The following IFT74 variants were observed in gnomAD, a reference collection of about 807,000 sequenced individuals.
IFT74 encodes the protein intraflagellar transport 74, also known as intraflagellar transport protein 74 homolog.
A neutral mutation model predicts 96.7 loss-of-function variants in IFT74; 92 were observed. The observed-to-expected ratio is 0.95, with a 90% CI of 0.80 to 1.13. The LOEUF (loss-of-function observed/expected upper bound fraction) is 1.13, where lower values mean the gene tolerates loss of function less well. Ranked by LOEUF, IFT74 falls within the 50% of genes most tolerant of loss-of-function variation. IFT74 has a pLI of 0.00. For missense variants in IFT74, 811 were observed against 698.2 expected, an observed-to-expected ratio of 1.16 and a Z score of -1.82; for synonymous variants, 223 against 213.2, an observed-to-expected ratio of 1.05 and a Z score of -0.40.
chr9:27,024,446 C>A (rs1277883340), intron 12 of IFT74, among the ~76,000 whole-genome samples: 1 of 152,152 alleles, frequency 6.6e-6, no homozygotes, highest in Non-Finnish European at 1.5e-5. Flanking sequence ...CTCAGGAAGC[C>A]CCATCTCTAG....
At chr9:26,963,012 G>T (rs1159072962) in intron 2 of IFT74, among the ~76,000 whole-genome samples, 3 of 150,586 alleles carry the variant, frequency 2.0e-5, no homozygotes, top group African/African-American at 7.4e-5. Context: ...CATTGTGCAG[G>T]TTAGTTACAT....
intron 8 of IFT74, among the ~76,000 whole-genome samples, chr9:26,996,843 T>C (rs1318533033): frequency 6.6e-6 from 1 of 152,178 alleles, no homozygotes. Context: ...GGAAGCACTT[T>C]TAAAAAATTA....
Position 27,011,861 on chromosome 9 carries a change from CT to C in IFT74, c.727-43del, listed in dbSNP as rs1302071394. 4 of 1,326,358 alleles carry C rather than the reference CT, an allele frequency of 3.0e-6. No homozygotes were observed. The East Asian group carries it at 7.7e-5, about 25-fold the overall frequency. The allele number at this position is 1,326,358 out of a possible 1,614,324, so 82.2% of individuals were successfully genotyped here. Reference sequence around the variant, plus strand: ...CCTCCCCCCACTACAACAAATTATTCTTAATGTAATTTGGATTTATGTTTGC... The same window carrying C: ...CCTCCCCCCACTACAACAAATTATTCTAATGTAATTTGGATTTATGTTTGC... On this transcript the variant is annotated intron_variant, in intron 9 of 19. Coordinates refer to ENST00000380062, the MANE Select transcript of IFT74 (RefSeq NM_025103.4).
At chr9:26,998,939 A>C (rs1450987958) in intron 8 of IFT74, among the ~76,000 whole-genome samples, 1 of 152,180 alleles carries the variant, frequency 6.6e-6, no homozygotes, top group Non-Finnish European at 1.5e-5. Context: ...GGTTGCAGTG[A>C]GCTGAGATCA....
chr9:27,033,851 G>A (rs115433687), intron 13 of IFT74, among the ~76,000 whole-genome samples: 1 of 152,246 alleles, frequency 6.6e-6, no homozygotes, highest in East Asian at 1.9e-4. Context: ...AGAAAAGGTT[G>A]TATTATGTTA....
intron 1 of IFT74, among the ~76,000 whole-genome samples, chr9:26,958,711 G>A (rs1254861293): frequency 6.6e-6 from 1 of 152,172 alleles, no homozygotes; most frequent in East Asian, 1.9e-4. Flanking sequence ...AGACATCTAA[G>A]TGGAGATGTT....
intron 2 of IFT74, among the ~76,000 whole-genome samples, chr9:26,962,812 T>G (rs1313772174): frequency 6.6e-6 from 1 of 151,504 alleles, no homozygotes; most frequent in East Asian, 1.9e-4. Context: ...TATATCTGAA[T>G]TTACAAAAAA....
chr9:27,026,277 ATATCACAG>A (rs1404425287), intron 12 of IFT74, among the ~76,000 whole-genome samples: 1 of 152,212 alleles, frequency 6.6e-6, no homozygotes, highest in African/African-American at 2.4e-5. Context: ...AAACAGGAAA[ATATCACAG>A]TACTAAATCT....
chr9:26,952,709 C>T (rs779524055), upstream of IFT74, among the ~76,000 whole-genome samples: 3 of 152,180 alleles, frequency 2.0e-5, no homozygotes, highest in Non-Finnish European at 4.4e-5. Flanking sequence ...TTGTGTTCTT[C>T]CCAAAGATTG....
chr9:27,048,361 A>G (rs1488754302), intron 16 of IFT74, 87 bp downstream of exon 16: 4 of 938,468 alleles, frequency 4.3e-6, no homozygotes, highest in Non-Finnish European at 6.1e-6. Context: ...TCATTGACAG[A>G]GGCTATAATT....
At chr9:26,980,911 C>G (rs892898016) in intron 4 of IFT74, among the ~76,000 whole-genome samples, 5 of 152,046 alleles carry the variant, frequency 3.3e-5, no homozygotes, top group African/African-American at 1.2e-4. Flanking sequence ...AATAAAATAC[C>G]TGAGATTGGG....
chr9:26,986,700 GCAGCCTCA>G (rs1210765760), intron 6 of IFT74, among the ~76,000 whole-genome samples: 1 of 152,122 alleles, frequency 6.6e-6, no homozygotes, highest in African/African-American at 2.4e-5. Context: ...GTAGTTCACT[GCAGCCTCA>G]AACTCCTGGG....
chr9:27,043,538 TG>T (rs970284651), intron 13 of IFT74, among the ~76,000 whole-genome samples: 3 of 152,230 alleles, frequency 2.0e-5, no homozygotes, highest in African/African-American at 7.2e-5. Context: ...CTCCTACTAA[TG>T]GGTCCCTCTG....
chr9:27,062,655 A>T lies in IFT74; in HGVS notation c.1722A>T (p.Pro574=), dbSNP rs1820478663. The change falls in exon 20 of 20, where the codon CCA becomes CCT. Residue 574 remains proline (P), a synonymous_variant. Coordinates refer to ENST00000380062, the MANE Select transcript of IFT74 (RefSeq NM_025103.4). ...AGAGTCAAGAGAGTGATTACCAGCC[A>T]ATTAAGAAAAATGTGACCAAGCAGA... The part of the protein sequence containing the change: ...ATKSQESDYQ[P]IKKNVTKQIA... 1 of 1,609,842 alleles carries T rather than the reference A, an allele frequency of 6.2e-7. No individual in the cohort carries two copies. Among genetic ancestry groups the T allele is most frequent in the South Asian group, 1.1e-5 (1 of 90,440 alleles).
At chr9:26,953,334 C>T (rs1825991160), upstream of IFT74, among the ~76,000 whole-genome samples, 1 of 152,172 alleles carries the variant, frequency 6.6e-6, no homozygotes, top group Non-Finnish European at 1.5e-5. Flanking sequence ...ATGACTATAG[C>T]ATTATTAATT....
Position 27,029,039 on chromosome 9 carries a change from A to G in IFT74, c.989A>G (p.Lys330Arg). Residue 330 changes from lysine (K) to arginine (R), a missense_variant, in exon 13 of 20, where the codon AAA (lysine) becomes AGA (arginine). Physicochemically the swap from Lys to Arg is conservative, Grantham distance 26. Transcript: ENST00000380062. ...ATTTTCAACAGGTTAACAGATACAA[A>G]AGAAAAGATAAATCAGTTTATTGAA... ...ASMERQLTDT[K>R]EKINQFIEEI... 1.9e-6 allele frequency: 3 copies of G among 1,598,728 alleles called. No homozygotes were observed. The South Asian group carries it at 3.4e-5, about 18-fold the overall frequency.
chr9:27,060,653 T>C lies in IFT74; in HGVS notation c.1684+2T>C, dbSNP rs756424645. The C allele has an allele frequency of 3.1e-6, 5 of 1,599,254 alleles. No homozygotes were observed. In the Admixed American group the frequency reaches 6.8e-5, roughly 22 times the overall value. ...AAAATAATTTTGCGATGAAAGAATG[T>C]ATCCTTTAAAAAGCTGAAAATGGGG... On this transcript the variant is annotated splice_donor_variant, in intron 19 of 19. Coordinates refer to ENST00000380062, the MANE Select transcript of IFT74 (RefSeq NM_025103.4). LOFTEE classifies it high-confidence loss of function.
intron 8 of IFT74, among the ~76,000 whole-genome samples, chr9:26,991,574 A>G (rs1488897158): frequency 1.3e-5 from 2 of 152,068 alleles, no homozygotes; most frequent in Non-Finnish European, 2.9e-5. Flanking sequence ...TCAAAATACT[A>G]GCAGTCTTTT....
intron 13 of IFT74, among the ~76,000 whole-genome samples, chr9:27,036,954 C>T (rs1023960638): frequency 6.6e-6 from 1 of 152,062 alleles, no homozygotes; most frequent in Non-Finnish European, 1.5e-5. Flanking sequence ...CACAGTGGCT[C>T]ACGCCTGTAA....
Sources: allele counts gnomAD v4.1 joint callset (sites outside exome capture counted in the v4.1 genomes callset), GRCh38; gene constraint gnomAD v4.1.1; transcripts MANE v1.5; gene names NCBI Gene and HGNC (gene_info 2026-07-23, HGNC 2026-07-21).